Variants in MIR2052HG observed in about 807,000 individuals in gnomAD.
MIR2052HG encodes the protein MIR2052 host gene.
At chr8:74,710,451 G>T (rs1310255121) in intron 4 of MIR2052HG, among the ~76,000 whole-genome samples, 1 of 152,094 alleles carries the variant, frequency 6.6e-6, no homozygotes, top group Admixed American at 6.6e-5. Context: ...GCTTAGGGAT[G>T]GTCTGGGTAC....
intron 2 of MIR2052HG, chr8:74,632,301 G>A (rs747581985): frequency 1.3e-4 from 20 of 152,206 alleles, no homozygotes; most frequent in Non-Finnish European, 5.9e-5. Flanking sequence ...ATCCAGAGGA[G>A]CAAGTTTGGT....
intron 5 of MIR2052HG, among the ~76,000 whole-genome samples, chr8:74,755,279 A>C (rs1809987804): frequency 6.6e-6 from 1 of 152,256 alleles, no homozygotes; most frequent in Non-Finnish European, 1.5e-5. Flanking sequence ...CTGAAACAGC[A>C]GTAGAATAGA....
intron 2 of MIR2052HG, among the ~76,000 whole-genome samples, chr8:74,684,890 T>C (rs1421750164): frequency 2.6e-5 from 4 of 152,110 alleles, no homozygotes; most frequent in Admixed American, 6.6e-5. Flanking sequence ...AAAATGTGCA[T>C]GATGAATTTG....
intron 1 of MIR2052HG, chr8:74,612,576 C>A: frequency 3.9e-6 from 1 of 254,466 alleles, no homozygotes; most frequent in Non-Finnish European, 7.8e-6. Context: ...TCTGGAAAAC[C>A]AAAATGCAGT....
chr8:74,672,737 T>C (rs1392308063), intron 2 of MIR2052HG, among the ~76,000 whole-genome samples: 1 of 152,108 alleles, frequency 6.6e-6, no homozygotes, highest in East Asian at 1.9e-4. Flanking sequence ...TAATATCTGC[T>C]GAATTCTGTT....
chr8:74,679,455 T>C (rs1357573272), intron 2 of MIR2052HG, among the ~76,000 whole-genome samples: 2 of 151,892 alleles, frequency 1.3e-5, no homozygotes, highest in African/African-American at 4.8e-5. Flanking sequence ...TAGTAGTCCA[T>C]GGTGTATATG....
chr8:74,735,405 C>T (rs1426678412), intron 4 of MIR2052HG, among the ~76,000 whole-genome samples: 1 of 152,154 alleles, frequency 6.6e-6, no homozygotes, highest in Non-Finnish European at 1.5e-5. Context: ...AGAAAGTATA[C>T]AGTCCTCATA....
At chr8:74,668,405 G>T (rs956186721) in intron 2 of MIR2052HG, among the ~76,000 whole-genome samples, 10 of 152,156 alleles carry the variant, frequency 6.6e-5, no homozygotes, top group African/African-American at 2.4e-4. Flanking sequence ...CATGAATTTA[G>T]AAAATTTGAA....
chr8:74,667,769 G>T (rs1808947075), intron 2 of MIR2052HG, among the ~76,000 whole-genome samples: 1 of 152,100 alleles, frequency 6.6e-6, no homozygotes, highest in Non-Finnish European at 1.5e-5. Flanking sequence ...TTAATTGTGG[G>T]CATGGGATGC....
chr8:74,722,812 T>C (rs965048012), intron 4 of MIR2052HG, among the ~76,000 whole-genome samples: 4 of 152,200 alleles, frequency 2.6e-5, no homozygotes, highest in Non-Finnish European at 5.9e-5. Context: ...CATATTATAG[T>C]GGAAGGAAGG....
intron 4 of MIR2052HG, among the ~76,000 whole-genome samples, chr8:74,720,151 CA>C (rs1481483288): frequency 1.1e-4 from 17 of 152,270 alleles, no homozygotes; most frequent in Admixed American, 9.2e-4. Flanking sequence ...GCCCAGGCTT[CA>C]GTGCCCCTTC....
intron 2 of MIR2052HG, among the ~76,000 whole-genome samples, chr8:74,683,974 A>G (rs1245688489): frequency 1.3e-5 from 2 of 152,006 alleles, no homozygotes; most frequent in African/African-American, 4.8e-5. Flanking sequence ...CTTTATGGAA[A>G]TGTGCAGGCC....
chr8:74,662,055 G>A (rs542269167), intron 2 of MIR2052HG, among the ~76,000 whole-genome samples: 38 of 152,106 alleles, frequency 2.5e-4, no homozygotes, highest in African/African-American at 8.9e-4. Flanking sequence ...CTACCTTTAG[G>A]CATAGTTATT....
At chr8:74,723,068 C>G (rs1389327621) in intron 4 of MIR2052HG, among the ~76,000 whole-genome samples, 2 of 152,204 alleles carry the variant, frequency 1.3e-5, no homozygotes, top group Admixed American at 6.5e-5. Flanking sequence ...GACCCTGTCT[C>G]TCTGCAGTCA....
At chr8:74,701,964 G>A (rs75787442) in intron 2 of MIR2052HG, among the ~76,000 whole-genome samples, 35,646 of 152,008 alleles carry the variant, frequency 0.23, 5,346 homozygotes, top group East Asian at 0.64. Context: ...TCAATGAAAG[G>A]TAAATCTTTG....
At chr8:74,623,451 A>G (rs1405139101) in intron 2 of MIR2052HG, among the ~76,000 whole-genome samples, 1 of 152,226 alleles carries the variant, frequency 6.6e-6, no homozygotes, top group East Asian at 1.9e-4. Flanking sequence ...GGAGAAAAGT[A>G]GAAAAGGAGA....
chr8:74,732,741 T>G (rs990103038), intron 4 of MIR2052HG, among the ~76,000 whole-genome samples: 1 of 152,068 alleles, frequency 6.6e-6, no homozygotes, highest in African/African-American at 2.4e-5. Context: ...CATGTGACTA[T>G]CAAGGGAGGA....
intron 1 of MIR2052HG, among the ~76,000 whole-genome samples, chr8:74,602,139 G>T (rs907269838): frequency 6.6e-6 from 1 of 152,136 alleles, no homozygotes; most frequent in East Asian, 1.9e-4. Context: ...AGGTTACAAA[G>T]CTCCCGCTGA....
chr8:74,714,530 A>C (rs181842032), intron 4 of MIR2052HG, among the ~76,000 whole-genome samples: 2 of 152,248 alleles, frequency 1.3e-5, no homozygotes, highest in East Asian at 3.9e-4. Context: ...AGAGGGCTAC[A>C]ATGGTTTAAT....
Sources: gnomAD v4.1 joint callset for allele counts (sites outside exome capture counted in the v4.1 genomes callset) on GRCh38, gnomAD v4.1.1 for gene constraint, MANE v1.5 for transcripts, NCBI Gene and HGNC (gene_info 2026-07-23, HGNC 2026-07-21) for gene names.